The following PTPRD variants were observed in gnomAD, a reference collection of about 807,000 sequenced individuals.
The protein encoded by PTPRD is protein tyrosine phosphatase receptor type D.
A neutral mutation model predicts 214.5 loss-of-function variants in PTPRD; 34 were observed. The ratio of observed to expected loss-of-function variants is 0.16; its 90% CI spans 0.12 to 0.21. The LOEUF is 0.21. PTPRD is among the 10% of genes least tolerant of loss of function. The pLI is 1.00. For synonymous variants in PTPRD, 1,128 were observed against 845.7 expected (o/e 1.33, Z -5.79); for missense variants, 2,545 against 2,398.7 (o/e 1.06, Z -1.27).
Position 8,331,654 on chromosome 9 carries a change from A to ATAAATC in PTPRD, c.5456_5461dup (p.Phe1820_Ile1821insArgPhe). On this transcript the variant is annotated inframe_insertion, in exon 44 of 46. Coordinates refer to ENST00000381196, the MANE Select transcript of PTPRD (RefSeq NM_002839.4). ...TTTATGGACTTGGCCGATGAAGTCA[A>ATAAATC]TAAATCCTTCTCCGGACTTTGGCAC... is the stretch of plus-strand genomic sequence containing the variant. 4.3e-6 allele frequency: 7 copies of ATAAATC among 1,613,930 alleles called. No homozygotes were observed. Among genetic ancestry groups the ATAAATC allele is most frequent in the Non-Finnish European group, 5.9e-6 (7 of 1,179,946 alleles).
intron 44 of PTPRD, among the ~76,000 whole-genome samples, chr9:8,323,548 A>G (rs1830562933): frequency 6.6e-6 from 1 of 152,196 alleles, no homozygotes; most frequent in Non-Finnish European, 1.5e-5. Context: ...TCCAATCTTC[A>G]TGGATGACTT....
intron 11 of PTPRD, among the ~76,000 whole-genome samples, chr9:8,815,599 G>A (rs2096904090): frequency 6.6e-6 from 1 of 152,118 alleles, no homozygotes; most frequent in Non-Finnish European, 1.5e-5. Flanking sequence ...TAATCATGGG[G>A]TCAAAAGTTA....
At chr9:9,749,984 G>A (rs2098500583) in intron 6 of PTPRD, among the ~76,000 whole-genome samples, 2 of 152,124 alleles carry the variant, frequency 1.3e-5, no homozygotes, top group South Asian at 2.1e-4. Flanking sequence ...GGAACTACTT[G>A]CACAGCCTTC....
chr9:8,484,008 C>G, intron 30 of PTPRD, 111 bp downstream of exon 30: 1 of 1,377,334 alleles, frequency 7.3e-7, no homozygotes, highest in Non-Finnish European at 9.8e-7. Flanking sequence ...GCAGAAGAAT[C>G]TTTCACTACA....
At chr9:8,822,052 T>C (rs2097079194) in intron 11 of PTPRD, among the ~76,000 whole-genome samples, 2 of 152,218 alleles carry the variant, frequency 1.3e-5, no homozygotes, top group Admixed American at 6.5e-5. Flanking sequence ...TTGGCAAACA[T>C]GAAAGTCACT....
intron 8 of PTPRD, among the ~76,000 whole-genome samples, chr9:9,430,066 A>G (rs1050411709): frequency 1.3e-5 from 2 of 152,196 alleles, no homozygotes; most frequent in Admixed American, 6.5e-5. Context: ...ATCAGGCAGG[A>G]GAAAGAGATA....
chr9:8,487,581 G>A (rs2097053634), intron 27 of PTPRD, among the ~76,000 whole-genome samples: 1 of 151,976 alleles, frequency 6.6e-6, no homozygotes, highest in Non-Finnish European at 1.5e-5. Context: ...ACTTTGGGAA[G>A]CAGTGGATCA....
chr9:9,009,413 T>G (rs1344064269), intron 11 of PTPRD, among the ~76,000 whole-genome samples: 2 of 96,720 alleles, frequency 2.1e-5, no homozygotes, highest in African/African-American at 6.5e-5. Flanking sequence ...TCTTTCTATT[T>G]TATTTTATTT....
At chr9:8,333,508 A>T (rs1020682272) in intron 43 of PTPRD, among the ~76,000 whole-genome samples, 1 of 152,212 alleles carries the variant, frequency 6.6e-6, no homozygotes, top group Admixed American at 6.5e-5. Flanking sequence ...AAATGCTGAG[A>T]GATTATGTCA....
At chr9:8,876,323 A>G (rs2098389872) in intron 11 of PTPRD, among the ~76,000 whole-genome samples, 1 of 152,138 alleles carries the variant, frequency 6.6e-6, no homozygotes, top group South Asian at 2.1e-4. Flanking sequence ...ATATATTAGG[A>G]ATAGTCATCA....
intron 2 of PTPRD, among the ~76,000 whole-genome samples, chr9:10,489,731 A>G (rs1259482680): frequency 6.6e-6 from 1 of 152,032 alleles, no homozygotes; most frequent in Non-Finnish European, 1.5e-5. Flanking sequence ...TGGTCCCTCC[A>G]TGGTTAGTTA....
intron 7 of PTPRD, among the ~76,000 whole-genome samples, chr9:9,685,880 C>A (rs971165271): frequency 6.6e-6 from 1 of 151,176 alleles, no homozygotes; most frequent in African/African-American, 2.4e-5. Flanking sequence ...TCTTCTTTCT[C>A]AAAAAGGAAT....
chr9:8,657,971 T>C (rs2154351496), intron 12 of PTPRD, among the ~76,000 whole-genome samples: 1 of 152,344 alleles, frequency 6.6e-6, no homozygotes, highest in Non-Finnish European at 1.5e-5. Context: ...ATTTCACAAA[T>C]TTATTTGGGC....
intron 8 of PTPRD, among the ~76,000 whole-genome samples, chr9:9,524,988 G>A (rs987135320): frequency 1.3e-5 from 2 of 152,144 alleles, no homozygotes; most frequent in Non-Finnish European, 2.9e-5. Context: ...CTCCCGAGTA[G>A]CGGGGACTAC....
chr9:10,122,926 T>C (rs938688645), intron 3 of PTPRD, among the ~76,000 whole-genome samples: 2 of 152,180 alleles, frequency 1.3e-5, no homozygotes, highest in African/African-American at 4.8e-5. Context: ...TATAAAAAGA[T>C]TGCGGCAGAT....
At chr9:10,148,112 G>T (rs2099036349) in intron 3 of PTPRD, among the ~76,000 whole-genome samples, 1 of 152,032 alleles carries the variant, frequency 6.6e-6, no homozygotes, top group Non-Finnish European at 1.5e-5. Context: ...TATGAAGAAG[G>T]GAATCTACAT....
chr9:9,105,848 T>C (rs1299621734), intron 10 of PTPRD, among the ~76,000 whole-genome samples: 1 of 152,136 alleles, frequency 6.6e-6, no homozygotes, highest in Non-Finnish European at 1.5e-5. Flanking sequence ...CTTCCTGCTA[T>C]TTTAACTGTA....
intron 2 of PTPRD, among the ~76,000 whole-genome samples, chr9:10,585,793 T>C (rs1484081594): frequency 2.6e-5 from 4 of 151,830 alleles, no homozygotes; most frequent in Non-Finnish European, 4.4e-5. Flanking sequence ...CTGGAGACTT[T>C]CCAGGATAAT....
At chr9:9,790,023 C>A (rs534693095) in intron 5 of PTPRD, among the ~76,000 whole-genome samples, 1 of 152,100 alleles carries the variant, frequency 6.6e-6, no homozygotes, top group Non-Finnish European at 1.5e-5. Flanking sequence ...TTCTTAACTT[C>A]ATGGGATCAA....
Sources: allele counts gnomAD v4.1 joint callset (sites outside exome capture counted in the v4.1 genomes callset), GRCh38; gene constraint gnomAD v4.1.1; transcripts MANE v1.5; gene names NCBI Gene and HGNC (gene_info 2026-07-23, HGNC 2026-07-21).